Variants in ZNF560 observed in about 807,000 individuals in gnomAD.
The protein encoded by ZNF560 is zinc finger protein 560.
Under a neutral mutation model 81.8 loss-of-function variants are expected in ZNF560, and 54 were observed. The ratio of observed to expected loss-of-function variants is 0.66; its 90% CI spans 0.53 to 0.83. ZNF560 has a LOEUF of 0.83. ZNF560 is among the 40% of genes least tolerant of loss of function. The pLI is 0.00. For missense variants in ZNF560, 940 were observed against 932.4 expected, an observed-to-expected ratio of 1.01 and a Z score of -0.11; for synonymous variants, 321 against 317.9, an observed-to-expected ratio of 1.01 and a Z score of -0.10.
chr19:9,450,703 T>A, the ZNF560 span, among the ~76,000 whole-genome samples: 1 of 152,168 alleles, frequency 6.6e-6, no homozygotes. Flanking sequence ...ATAATTTTTA[T>A]ATTTTTAGTA....
chr19:9,464,914 T>C (rs1024359501), downstream of ZNF560, among the ~76,000 whole-genome samples: 1 of 152,086 alleles, frequency 6.6e-6, no homozygotes, highest in African/African-American at 2.4e-5. Flanking sequence ...CTCATAAGTG[T>C]GAATGCCCCT....
intron 2 of ZNF560, among the ~76,000 whole-genome samples, chr19:9,493,143 T>C (rs2073498608): frequency 6.6e-6 from 1 of 152,026 alleles, no homozygotes; most frequent in African/African-American, 2.4e-5. Context: ...TTAGAAAGGT[T>C]AACAAAAAAT....
At chr19:9,480,432 T>C (rs2073268749) in intron 2 of ZNF560, among the ~76,000 whole-genome samples, 1 of 151,922 alleles carries the variant, frequency 6.6e-6, no homozygotes, top group African/African-American at 2.4e-5. Context: ...AATAAATGCC[T>C]ATATGAAAAA....
intron 2 of ZNF560, among the ~76,000 whole-genome samples, chr19:9,482,916 C>T (rs933555866): frequency 2.6e-5 from 4 of 152,288 alleles, no homozygotes; most frequent in Admixed American, 2.0e-4. Context: ...CTGCCAGCCT[C>T]GGCCTCCCGA....
At chr19:9,448,034 G>A in the ZNF560 span, among the ~76,000 whole-genome samples, 2 of 152,274 alleles carry the variant, frequency 1.3e-5, no homozygotes, top group African/African-American at 2.4e-5. Context: ...AACCCTACAA[G>A]CCAGAAAAGA....
At chr19:9,477,473 A>G (rs190963145) in intron 2 of ZNF560, among the ~76,000 whole-genome samples, 8 of 152,264 alleles carry the variant, frequency 5.3e-5, no homozygotes, top group African/African-American at 1.9e-4. Context: ...TTTTGACTAT[A>G]AAGAATTAGA....
the ZNF560 span, among the ~76,000 whole-genome samples, chr19:9,446,707 G>T: frequency 6.6e-6 from 1 of 152,068 alleles, no homozygotes; most frequent in African/African-American, 2.4e-5. Context: ...CTATTCAGTC[G>T]ATTACACATT....
At chr19:9,446,889 C>G in the ZNF560 span, among the ~76,000 whole-genome samples, 5 of 152,038 alleles carry the variant, frequency 3.3e-5, no homozygotes, top group Non-Finnish European at 7.4e-5. Flanking sequence ...CACACTTGCA[C>G]TTTGGGAGGC....
At chr19:9,474,155 A>G (rs1052394932) in intron 4 of ZNF560, 44 bp downstream of exon 4, 30 of 1,611,108 alleles carry the variant, frequency 1.9e-5, no homozygotes, top group Non-Finnish European at 2.5e-5. Context: ...TACACAATGT[A>G]TATCTCTTCC....
chr19:9,497,559 T>C (rs992228739), intron 2 of ZNF560, among the ~76,000 whole-genome samples: 27 of 147,960 alleles, frequency 1.8e-4, no homozygotes, highest in Admixed American at 1.8e-3. Flanking sequence ...AAAAAAAATG[T>C]CGAGCTTCAT....
At chr19:9,461,367 G>T (rs2072928847), downstream of ZNF560, among the ~76,000 whole-genome samples, 1 of 152,074 alleles carries the variant, frequency 6.6e-6, no homozygotes, top group East Asian at 1.9e-4. Context: ...GAAGGAGTTG[G>T]TTACCGGCGA....
the ZNF560 span, among the ~76,000 whole-genome samples, chr19:9,506,147 C>A: frequency 6.6e-6 from 1 of 150,792 alleles, no homozygotes; most frequent in African/African-American, 2.4e-5. Flanking sequence ...TACGCACCAC[C>A]ACGCCTGGGT....
the ZNF560 span, among the ~76,000 whole-genome samples, chr19:9,448,235 T>G: frequency 6.7e-5 from 10 of 149,588 alleles, no homozygotes; most frequent in East Asian, 2.0e-4. Context: ...TGGCGGGGGG[T>G]TTGTTTGTTT....
intron 2 of ZNF560, among the ~76,000 whole-genome samples, chr19:9,494,130 C>CAAAAAAA (rs891546578): frequency 1.5e-5 from 1 of 67,236 alleles, no homozygotes; most frequent in Non-Finnish European, 3.2e-5. Flanking sequence ...GACTCCATCT[C>CAAAAAAA]AAAAAAAAAA....
At chr19:9,455,939 G>T in the ZNF560 span, among the ~76,000 whole-genome samples, 7 of 152,084 alleles carry the variant, frequency 4.6e-5, no homozygotes, top group Admixed American at 1.3e-4. Context: ...AAATCAGAGG[G>T]TCCAACTACC....
intron 2 of ZNF560, among the ~76,000 whole-genome samples, chr19:9,484,637 A>C (rs1034828052): frequency 1.3e-5 from 2 of 151,370 alleles, no homozygotes; most frequent in African/African-American, 2.4e-5. Context: ...CAAAAAAAAA[A>C]AAAAAAAAAT....
At chr19:9,461,599 G>A (rs2072932319), downstream of ZNF560, among the ~76,000 whole-genome samples, 1 of 152,122 alleles carries the variant, frequency 6.6e-6, no homozygotes, top group Non-Finnish European at 1.5e-5. Flanking sequence ...CTCTGCTGTG[G>A]AACTCTCAAA....
Position 9,467,955 on chromosome 19 carries a change from T to G in ZNF560, c.992A>C (p.His331Pro), listed in dbSNP as rs1464111845. 4 of 1,613,976 alleles carry G rather than the reference T, an allele frequency of 2.5e-6. No individual in the cohort carries two copies. Among genetic ancestry groups the G allele is most frequent in the Non-Finnish European group, 3.4e-6 (4 of 1,179,980 alleles). ...EWKQCGEAFT[H>P]STSHAVNVET... ...AACATTTACAGCATGGCTTGTGGAG[T>G]GAGTAAATGCTTCCCCACATTGCTT... Residue 331 changes from histidine to proline, a missense_variant, in exon 10 of 10, where the codon CAC becomes CCC. Coordinates refer to ENST00000301480, the MANE Select transcript of ZNF560 (RefSeq NM_152476.3).
chr19:9,466,949 A>G lies in ZNF560; in HGVS notation c.1998T>C (p.Ser666=). ...AGTGTTGAGTTAGTACACAAGACCT[A>G]CTGTAAGCTTTTTCACATGCATTAC... ...YKCNACEKAY[S]RSCVLTQHLK... is the part of the protein sequence containing the mutation. Residue 666 remains serine (S), a synonymous_variant, in exon 10 of 10, where the codon AGT becomes AGC. Transcript: ENST00000301480. The G allele has an allele frequency of 6.2e-7, 1 of 1,614,140 alleles. No individual in the cohort carries two copies. Among genetic ancestry groups the G allele is most frequent in the Non-Finnish European group, 8.5e-7 (1 of 1,180,030 alleles).
Sources: allele counts gnomAD v4.1 joint callset (sites outside exome capture counted in the v4.1 genomes callset), GRCh38; gene constraint gnomAD v4.1.1; transcripts MANE v1.5; gene names NCBI Gene and HGNC (gene_info 2026-07-23, HGNC 2026-07-21).